Variants in TMEM242 observed in about 807,000 individuals in gnomAD.
TMEM242 encodes UPF0463 transmembrane protein C6orf35.
A neutral mutation model predicts 18.2 loss-of-function variants in TMEM242; 10 were observed. That is an observed-to-expected ratio of 0.55 (90% CI 0.34 to 0.93). TMEM242 has a LOEUF of 0.93. TMEM242 is among the 40% of genes least tolerant of loss of function. The pLI, the probability that TMEM242 is intolerant of heterozygous loss-of-function variation, is 0.02. For synonymous variants in TMEM242, 57 were observed against 69.9 expected, an observed-to-expected ratio of 0.81 and a Z score of 0.92; for missense variants, 186 against 175.5, an observed-to-expected ratio of 1.06 and a Z score of -0.34.
chr6:157,293,264 C>T (rs939727263), intron 3 of TMEM242, among the ~76,000 whole-genome samples: 1 of 152,074 alleles, frequency 6.6e-6, no homozygotes, highest in African/African-American at 2.4e-5. Flanking sequence ...CACCTGTAGT[C>T]CTAGCTACTC....
intron 3 of TMEM242, among the ~76,000 whole-genome samples, chr6:157,317,577 T>C (rs587740981): frequency 6.6e-5 from 10 of 152,340 alleles, no homozygotes; most frequent in Admixed American, 1.3e-4. Flanking sequence ...ATGCTAGCCA[T>C]ATACTGATGA....
At chr6:157,293,183 T>G (rs587657989) in intron 3 of TMEM242, among the ~76,000 whole-genome samples, 184 bp from the exon 4 acceptor site, 73 of 152,270 alleles carry the variant, frequency 4.8e-4, no homozygotes, top group Middle Eastern at 3.4e-3. Context: ...ATATACTTCC[T>G]TTCTTCTTCT....
intron 3 of TMEM242, among the ~76,000 whole-genome samples, chr6:157,311,109 T>A (rs1308767365): frequency 2.7e-5 from 4 of 150,670 alleles, no homozygotes; most frequent in Non-Finnish European, 5.9e-5. Flanking sequence ...AGTGTCCCAG[T>A]GTGCACTCAC....
chr6:157,321,244 A>C (rs1276931350), intron 2 of TMEM242, among the ~76,000 whole-genome samples: 1 of 151,944 alleles, frequency 6.6e-6, no homozygotes, highest in Non-Finnish European at 1.5e-5. Context: ...TCCTGACCTC[A>C]TGATCCGCCC....
intron 3 of TMEM242, among the ~76,000 whole-genome samples, chr6:157,316,669 G>C (rs1230812485): frequency 6.6e-6 from 1 of 152,042 alleles, no homozygotes; most frequent in Non-Finnish European, 1.5e-5. Context: ...GAGTCCAGGA[G>C]TTCGCAACCA....
intron 2 of TMEM242, among the ~76,000 whole-genome samples, chr6:157,319,414 A>C (rs979710863): frequency 2.6e-5 from 4 of 152,214 alleles, no homozygotes; most frequent in African/African-American, 9.6e-5. Context: ...TATGAGACTG[A>C]TGTATAAATG....
intron 3 of TMEM242, 89 bp from the exon 4 acceptor site, chr6:157,293,088 C>G: frequency 1.2e-6 from 1 of 848,256 alleles, no homozygotes; most frequent in Non-Finnish European, 2.0e-6. Flanking sequence ...CTGGCTAGTA[C>G]TTCACTGCTC....
At chr6:157,317,907 C>G (rs1381978906) in intron 3 of TMEM242, among the ~76,000 whole-genome samples, 2 of 152,210 alleles carry the variant, frequency 1.3e-5, no homozygotes, top group Non-Finnish European at 2.9e-5. Flanking sequence ...TGCCACCTAT[C>G]TCAAACTACT....
At chr6:157,321,268 T>A (rs1374232275) in intron 2 of TMEM242, among the ~76,000 whole-genome samples, 18 of 152,176 alleles carry the variant, frequency 1.2e-4, no homozygotes, top group African/African-American at 4.1e-4. Context: ...TTGGCCTCCC[T>A]AAGTGCTGGG....
At chr6:157,313,537 C>G (rs1333428375) in intron 3 of TMEM242, among the ~76,000 whole-genome samples, 9 of 59,112 alleles carry the variant, frequency 1.5e-4, no homozygotes, top group Non-Finnish European at 3.7e-4. Context: ...CTGGCGTCAT[C>G]ATAGTGCCCC....
Position 157,323,495 on chromosome 6 carries a change from T to A in TMEM242, c.5A>T (p.Glu2Val). ...CTGCCCAGTTGCAGCGCCCGCTGTC[T>A]CCATGTTTAGGTCGCCTCTAGTGCG... METAGAATGQPA... is the reference protein window; with the variant it reads MVTAGAATGQPA... Residue 2 changes from glutamate (E) to valine (V), a missense_variant, in exon 1 of 4, where the codon GAG becomes GTG. Transcript: ENST00000400788. The A allele has an allele frequency of 6.2e-7, 1 of 1,613,678 alleles. No homozygotes were observed. Among genetic ancestry groups the A allele is most frequent in the Non-Finnish European group, 8.5e-7 (1 of 1,179,778 alleles).
At chr6:157,318,756 C>T in intron 3 of TMEM242, 26 bp downstream of exon 3, 1 of 1,612,570 alleles carries the variant, frequency 6.2e-7, no homozygotes, top group East Asian at 2.2e-5. Flanking sequence ...CATGTAGATA[C>T]CAGGGACAAG....
intron 2 of TMEM242, among the ~76,000 whole-genome samples, chr6:157,322,485 A>T (rs782683504): frequency 4.6e-5 from 7 of 152,238 alleles, no homozygotes; most frequent in Non-Finnish European, 8.8e-5. Context: ...ATAAGCTTTC[A>T]AAGTCTTGTT....
chr6:157,312,826 T>C (rs1554249442), intron 3 of TMEM242, among the ~76,000 whole-genome samples: 1 of 149,178 alleles, frequency 6.7e-6, no homozygotes, highest in Non-Finnish European at 1.5e-5. Flanking sequence ...AGCCTCATCA[T>C]AGTGCCACAG....
Position 157,305,743 on chromosome 6 carries a change from A to G in TMEM242, c.328-12744T>C, listed in dbSNP as rs1583559646. Among the ~76,000 whole-genome samples, 2 of 136,744 alleles carry G rather than the reference A, an allele frequency of 1.5e-5. No homozygotes were observed. Among genetic ancestry groups the G allele is most frequent in the African/African-American group, 5.6e-5 (2 of 35,768 alleles). 89.7% of individuals were successfully genotyped at this position (136,744 alleles called of 152,430 possible). A position where few individuals can be genotyped will look rare whatever the true frequency, so the allele number is the denominator to read the frequency against. Reference sequence around the variant, plus strand: ...GGTAGCTCAGAAGCCACAGTGTTTCAGGATGGAGGGGGGGCTCCATTGTGC... The same window carrying G: ...GGTAGCTCAGAAGCCACAGTGTTTCGGGATGGAGGGGGGGCTCCATTGTGC... On this transcript the variant is annotated intron_variant, in intron 3 of 3. Coordinates refer to ENST00000400788, the MANE Select transcript of TMEM242 (RefSeq NM_018452.6). The surrounding 1 kb of genome is among the most constrained non-coding windows in gnomAD (Gnocchi z 4.1).
chr6:157,316,650 A>C (rs1778396984), intron 3 of TMEM242, among the ~76,000 whole-genome samples: 1 of 152,138 alleles, frequency 6.6e-6, no homozygotes, highest in Admixed American at 6.6e-5. Context: ...CTGAGGCAGA[A>C]GATCGCTTGA....
chr6:157,303,446 CA>C (rs1465558016), intron 3 of TMEM242, among the ~76,000 whole-genome samples: 1 of 152,174 alleles, frequency 6.6e-6, no homozygotes, highest in Non-Finnish European at 1.5e-5. Context: ...TGGCTATTTT[CA>C]AAGCCAATAC....
Position 157,289,512 on chromosome 6 carries a change from A to G in TMEM242, c.*3389T>C, listed in dbSNP as rs587692116. Reference sequence around the variant, plus strand: ...TAACTATTTGATGAAATGCCTTTGTATGTTACCTGATTTTCATTTGTACTT... The same window carrying G: ...TAACTATTTGATGAAATGCCTTTGTGTGTTACCTGATTTTCATTTGTACTT... On this transcript the variant is annotated 3_prime_UTR_variant, in exon 4 of 4. Coordinates refer to ENST00000400788, the MANE Select transcript of TMEM242 (RefSeq NM_018452.6). The G allele has an allele frequency of 2.0e-5, 3 of 152,316 alleles. No individual in the cohort carries two copies. In the East Asian group the frequency reaches 5.8e-4, roughly 29 times the overall value. The allele number at this position is 152,316 out of a possible 1,614,324, so 9.4% of individuals were successfully genotyped here.
At chr6:157,308,787 T>C (rs1418872541) in intron 3 of TMEM242, among the ~76,000 whole-genome samples, 6 of 152,118 alleles carry the variant, frequency 3.9e-5, no homozygotes, top group African/African-American at 1.4e-4. Flanking sequence ...ATCAATCAGA[T>C]TGGCAAAAAT....
Sources: allele counts gnomAD v4.1 joint callset (sites outside exome capture counted in the v4.1 genomes callset), GRCh38; gene constraint gnomAD v4.1.1; non-coding constraint Gnocchi (gnomAD v3.1); transcripts MANE v1.5; gene names NCBI Gene and HGNC (gene_info 2026-07-23, HGNC 2026-07-21).